EPHA5: variants seen among roughly 807,000 people sequenced by gnomAD.
EPHA5 encodes ephrin type-A receptor 5.
In EPHA5, 60 loss-of-function variants were observed where a neutral mutation model predicts 105.0. That is an observed-to-expected ratio of 0.57 (90% confidence interval 0.46 to 0.71). The LOEUF (loss-of-function observed/expected upper bound fraction) is 0.71, where lower values mean the gene tolerates loss of function less well. EPHA5 is among the 30% of genes least tolerant of loss of function. EPHA5 has a pLI of 0.00. For synonymous variants in EPHA5, 513 were observed against 449.1 expected (o/e 1.14, Z -1.80); for missense variants, 1,218 against 1,274.7 (o/e 0.96, Z 0.68).
intron 1 of EPHA5, among the ~76,000 whole-genome samples, chr4:65,665,932 T>C (rs1229871217): frequency 1.3e-5 from 2 of 152,200 alleles, no homozygotes; most frequent in Non-Finnish European, 2.9e-5. Flanking sequence ...ATGATTTTAC[T>C]GTCCTTTTTT....
chr4:65,654,262 A>G (rs1366680852), intron 1 of EPHA5, among the ~76,000 whole-genome samples: 1 of 151,518 alleles, frequency 6.6e-6, no homozygotes, highest in East Asian at 1.9e-4. Context: ...AAACAAAACT[A>G]TTTTTAAGCC....
rs55784741 is a variant in EPHA5, at chr4:65,324,117, C to T, written c.3048G>A (p.Leu1016=). 22,397 of 1,602,984 alleles carry T rather than the reference C, an allele frequency of 0.014. 193 individuals carry two copies. Among genetic ancestry groups the T allele is most frequent in the Non-Finnish European group, 0.017 (19,619 of 1,171,566 alleles). The change falls in exon 17 of 17, where the codon TTG becomes TTA. Residue 1016 remains leucine (L), a synonymous_variant. Transcript: ENST00000613740. Reference sequence around the variant, plus strand: ...AAGAAGCGACATTTACATGAAGTTACAATGGCACCATTCCGTTTACCAGCT... The same window carrying T: ...AAGAAGCGACATTTACATGAAGTTATAATGGCACCATTCCGTTTACCAGCT... ...KVQLVNGMVP[L]
At chr4:65,603,858 C>T (rs1291758152) in intron 2 of EPHA5, among the ~76,000 whole-genome samples, 2 of 152,058 alleles carry the variant, frequency 1.3e-5, no homozygotes, top group Admixed American at 1.3e-4. Context: ...TTGCAGCACT[C>T]CATAATTAAA....
intron 3 of EPHA5, among the ~76,000 whole-genome samples, chr4:65,578,892 T>C (rs1741330622): frequency 1.3e-5 from 2 of 152,040 alleles, no homozygotes; most frequent in South Asian, 4.1e-4. Flanking sequence ...GAGAATTCCA[T>C]ATTGGTGTAA....
In EPHA5 at chr4:65,321,638, A is replaced by T. The variant is rs1386179558; in HGVS notation, c.*2476T>A. 4.4e-6 allele frequency: 1 copy of T among 229,254 alleles called. No homozygotes were observed. Among genetic ancestry groups the T allele is most frequent in the Non-Finnish European group, 8.7e-6 (1 of 115,532 alleles). The allele number at this position is 229,254 out of a possible 1,614,324, so 14.2% of individuals were successfully genotyped here. A position where few individuals can be genotyped will look rare whatever the true frequency, so the allele number is the denominator to read the frequency against. On this transcript the variant is annotated 3_prime_UTR_variant, in exon 17 of 17. Transcript: ENST00000613740. The stretch of plus-strand genomic sequence containing the variant: ...TTTCAATTTACTTTCCAAAATGATC[A>T]CCAAGATTGCAAAGAAGGCAAATAA...
At chr4:65,586,190 A>G (rs1435928760) in intron 3 of EPHA5, among the ~76,000 whole-genome samples, 1 of 151,624 alleles carries the variant, frequency 6.6e-6, no homozygotes, top group Non-Finnish European at 1.5e-5. Flanking sequence ...TAAGCATTTG[A>G]TTGCATATAT....
At chr4:65,435,463 T>C (rs182934583) in intron 5 of EPHA5, among the ~76,000 whole-genome samples, 94 of 152,244 alleles carry the variant, frequency 6.2e-4, no homozygotes, top group Non-Finnish European at 1.3e-4. Context: ...ATCAAAATAT[T>C]ACAAGCTTTG....
In EPHA5 at chr4:65,335,843, T is replaced by G. The variant is rs541195899; in HGVS notation, c.2789+89A>C. Reference sequence around the variant, plus strand: ...TCATATAGATTCACAGATTAATGTCTATACGAGAATGATTTAATTGATAAA... The same window carrying G: ...TCATATAGATTCACAGATTAATGTCGATACGAGAATGATTTAATTGATAAA... On this transcript the variant is annotated intron_variant, in intron 15 of 16. Transcript: ENST00000613740. 4 of 1,329,856 alleles carry G rather than the reference T, an allele frequency of 3.0e-6. No homozygotes were observed. The African/African-American group carries it at 5.9e-5, about 20-fold the overall frequency. The allele number at this position is 1,329,856 out of a possible 1,614,324, so 82.4% of individuals were successfully genotyped here.
chr4:65,414,318 G>A lies in EPHA5; in HGVS notation c.1653C>T (p.Phe551=), dbSNP rs1723185252. 1 of 1,613,788 alleles carries A rather than the reference G, an allele frequency of 6.2e-7. No individual in the cohort carries two copies. Among genetic ancestry groups the A allele is most frequent in the Admixed American group, 1.7e-5 (1 of 59,970 alleles). The part of the protein sequence containing the change: ...RARTAAGYGV[F]SRRFEFETTP... ...TGGTTTCAAACTCAAATCTTCGACT[G>A]AAGACACCATAGCCTGCTGCTGTAC... Residue 551 remains phenylalanine, a synonymous_variant, in exon 7 of 17, where the codon TTC becomes TTT. Coordinates refer to ENST00000613740, the MANE Select transcript of EPHA5 (RefSeq NM_001281766.3).
intron 3 of EPHA5, among the ~76,000 whole-genome samples, chr4:65,577,912 T>G (rs1204068555): frequency 6.6e-6 from 1 of 152,186 alleles, no homozygotes; most frequent in Admixed American, 6.5e-5. Flanking sequence ...ATTGTCCCCA[T>G]AAACTCAGGA....
intron 8 of EPHA5, among the ~76,000 whole-genome samples, chr4:65,389,144 T>C (rs1052140323): frequency 6.6e-6 from 1 of 152,064 alleles, no homozygotes; most frequent in Non-Finnish European, 1.5e-5. Context: ...TAATTCCTTA[T>C]ATTTTTCCTT....
chr4:65,629,981 A>C (rs1355561273), intron 2 of EPHA5, among the ~76,000 whole-genome samples: 2 of 152,184 alleles, frequency 1.3e-5, no homozygotes, highest in Non-Finnish European at 2.9e-5. Flanking sequence ...TCTGCAGAGA[A>C]GAATGAAAAA....
intron 3 of EPHA5, among the ~76,000 whole-genome samples, chr4:65,600,037 C>A (rs554988080): frequency 6.6e-6 from 1 of 152,198 alleles, no homozygotes; most frequent in Non-Finnish European, 1.5e-5. Flanking sequence ...ATGATAGAAA[C>A]AAACAACCAA....
intron 3 of EPHA5, among the ~76,000 whole-genome samples, chr4:65,503,413 A>C (rs570345653): frequency 7.9e-5 from 12 of 151,964 alleles, no homozygotes; most frequent in South Asian, 6.2e-4. Context: ...AAACAGAAAC[A>C]GGAAATAGGT....
chr4:65,347,649 T>C (rs1460513523), intron 14 of EPHA5, among the ~76,000 whole-genome samples: 1 of 152,196 alleles, frequency 6.6e-6, no homozygotes, highest in Non-Finnish European at 1.5e-5. Context: ...TCTAAGAGCA[T>C]CCACTATTAA....
At chr4:65,438,573 G>A (rs1725709971) in intron 5 of EPHA5, among the ~76,000 whole-genome samples, 1 of 151,866 alleles carries the variant, frequency 6.6e-6, no homozygotes, top group Non-Finnish European at 1.5e-5. Flanking sequence ...ATGGAGCTGA[G>A]GAGAGTTATG....
At chr4:65,504,064 C>T (rs558071299) in intron 3 of EPHA5, among the ~76,000 whole-genome samples, 4 of 151,174 alleles carry the variant, frequency 2.6e-5, no homozygotes, top group Admixed American at 6.6e-5. Context: ...TAAAATAAAG[C>T]TGTGTAAAGT....
chr4:65,669,110 C>T (rs1750223822), intron 1 of EPHA5, among the ~76,000 whole-genome samples: 1 of 152,040 alleles, frequency 6.6e-6, no homozygotes, highest in South Asian at 2.1e-4. Context: ...CCATCACTGG[C>T]CTCAAATAAC....
intron 2 of EPHA5, among the ~76,000 whole-genome samples, chr4:65,639,882 G>A (rs1457353114): frequency 6.6e-6 from 1 of 152,020 alleles, no homozygotes. Context: ...AAATTCATTT[G>A]TTTTTATACT....
Sources: gnomAD v4.1 joint callset for allele counts (sites outside exome capture counted in the v4.1 genomes callset) on GRCh38, gnomAD v4.1.1 for gene constraint, MANE v1.5 for transcripts, NCBI Gene and HGNC (gene_info 2026-07-23, HGNC 2026-07-21) for gene names.